The following PTPRD variants were observed in gnomAD, a reference collection of about 807,000 sequenced individuals.
The protein encoded by PTPRD is receptor-type tyrosine-protein phosphatase delta.
PTPRD carries 34 observed loss-of-function variants against 214.5 expected under a neutral mutation model. That is an observed-to-expected ratio of 0.16 (90% CI 0.12 to 0.21). The LOEUF is 0.21. Ranked by LOEUF, PTPRD falls within the 10% of genes least tolerant of loss-of-function variation. The pLI is 1.00. For missense variants in PTPRD, 2,545 were observed against 2,398.7 expected, an observed-to-expected ratio of 1.06 and a Z score of -1.27; for synonymous variants, 1,128 against 845.7, an observed-to-expected ratio of 1.33 and a Z score of -5.79.
At chr9:8,697,710 A>T (rs996994687) in intron 12 of PTPRD, among the ~76,000 whole-genome samples, 1 of 151,968 alleles carries the variant, frequency 6.6e-6, no homozygotes, top group African/African-American at 2.4e-5. Context: ...GGCATGAGCC[A>T]CCACGCCCAG....
intron 35 of PTPRD, among the ~76,000 whole-genome samples, chr9:8,436,192 G>A (rs2095341236): frequency 6.6e-6 from 1 of 151,316 alleles, no homozygotes; most frequent in Non-Finnish European, 1.5e-5. Flanking sequence ...ATTACCAATG[G>A]AGGGCTGGCA....
rs114593823 is a variant in PTPRD at position 9,070,220 on chromosome 9, G to A, written c.-142-51485C>T. 7.8e-3 allele frequency among the ~76,000 whole-genome samples: 1,191 copies of A among 152,280 alleles called. 16 individuals carry two copies. Among genetic ancestry groups the A allele is most frequent in the African/African-American group, 0.027 (1,109 of 41,558 alleles). On this transcript the variant is annotated intron_variant, in intron 10 of 45. Transcript: ENST00000381196. ...TAGACTTACACAGAGGTTGGAGAAG[G>A]AATTTATGCAATTCAAAGACGCCAA... is the stretch of plus-strand genomic sequence containing the variant.
At chr9:10,036,614 C>T (rs892103557) in intron 3 of PTPRD, among the ~76,000 whole-genome samples, 7 of 151,820 alleles carry the variant, frequency 4.6e-5, no homozygotes, top group Admixed American at 4.6e-4. Flanking sequence ...GAAACGGAGC[C>T]TGGTTCTGTC....
intron 12 of PTPRD, among the ~76,000 whole-genome samples, chr9:8,666,242 C>T (rs1261427182): frequency 6.6e-6 from 1 of 152,118 alleles, no homozygotes; most frequent in East Asian, 1.9e-4. Context: ...CATACTAGAA[C>T]AAGAACCTAC....
Position 9,967,284 on chromosome 9 carries a change from G to C in PTPRD, c.-471-28674C>G, listed in dbSNP as rs957055591. On this transcript the variant is annotated intron_variant, in intron 4 of 45. Coordinates refer to ENST00000381196, the MANE Select transcript of PTPRD (RefSeq NM_002839.4). ...ACTACACTGAATGTTAGCAATTCTT[G>C]TCATTATCATTATTAGCAATAAAGT... Among the ~76,000 whole-genome samples, 3 of 145,956 alleles carry C rather than the reference G, an allele frequency of 2.1e-5. No homozygotes were observed. The Admixed American group carries it at 2.1e-4, about 10-fold the overall frequency.
chr9:9,451,964 G>C (rs2092282761), intron 8 of PTPRD, among the ~76,000 whole-genome samples: 1 of 151,248 alleles, frequency 6.6e-6, no homozygotes, highest in Non-Finnish European at 1.5e-5. Context: ...TGAATTTCTA[G>C]AAAGAGATAG....
Position 8,790,247 on chromosome 9 carries a change from C to T in PTPRD, c.-103-56301G>A, listed in dbSNP as rs73427051. On this transcript the variant is annotated intron_variant, in intron 11 of 45. Coordinates refer to ENST00000381196, the MANE Select transcript of PTPRD (RefSeq NM_002839.4). The stretch of plus-strand genomic sequence containing the variant: ...CCCAGACTGGTCTCCAACCCCTGAC[C>T]TGAAGTGATCCTTCTACCTCTGCCT... 9.7e-4 allele frequency among the ~76,000 whole-genome samples: 148 copies of T among 152,110 alleles called. 1 individual carries two copies. The highest frequency in any genetic ancestry group is 3.3e-3 in the African/African-American group (138 of 41,514).
chr9:9,675,974 T>G (rs1423512960), intron 7 of PTPRD, among the ~76,000 whole-genome samples: 1 of 152,056 alleles, frequency 6.6e-6, no homozygotes, highest in Non-Finnish European at 1.5e-5. Context: ...AAGACTGAGT[T>G]TGATTTACCA....
intron 7 of PTPRD, among the ~76,000 whole-genome samples, chr9:9,658,247 C>A (rs988268323): frequency 6.6e-6 from 1 of 152,040 alleles, no homozygotes; most frequent in Non-Finnish European, 1.5e-5. Context: ...TCCAATTGCT[C>A]TGGAAGAACA....
rs373229289 is a variant in PTPRD, at chr9:8,575,986, AT to A, written c.353-47208del. On this transcript the variant is annotated intron_variant, in intron 14 of 45. Transcript: ENST00000381196. ...AGAGAAATAACTTAGGTCAGTTTAC[AT>A]TTACAAATGAGATAGTCCTAACAGC... 3.7e-4 allele frequency among the ~76,000 whole-genome samples: 56 copies of A among 152,310 alleles called. No homozygotes were observed. The East Asian group carries it at 0.011, about 29-fold the overall frequency.
At chr9:9,142,684 C>A (rs1381480715) in intron 10 of PTPRD, among the ~76,000 whole-genome samples, 1 of 152,196 alleles carries the variant, frequency 6.6e-6, no homozygotes, top group African/African-American at 2.4e-5. Context: ...TGAAGCTATA[C>A]AGTAGCAGAG....
chr9:9,987,558 C>T (rs1039085852), intron 4 of PTPRD, among the ~76,000 whole-genome samples: 6 of 151,966 alleles, frequency 3.9e-5, no homozygotes, highest in African/African-American at 7.3e-5. Context: ...AGACCTGCCC[C>T]GACAACATGT....
intron 3 of PTPRD, among the ~76,000 whole-genome samples, chr9:10,154,178 G>C (rs112066512): frequency 0.11 from 16,465 of 152,144 alleles, 1,142 homozygotes; most frequent in South Asian, 0.21. Context: ...ACTGGTGTGA[G>C]ATGGTATCTC....
chr9:8,426,044 G>C (rs2094644093), intron 35 of PTPRD, among the ~76,000 whole-genome samples: 1 of 152,100 alleles, frequency 6.6e-6, no homozygotes. Flanking sequence ...AGAATGAGAA[G>C]AGAATGTTAT....
At position 10,049,407 on chromosome 9, in the gene PTPRD, A is replaced by AAAAGAAAGAAAGAAAGAAAG. The variant is rs1165910757; in HGVS notation, c.-544-15637_-544-15618dup. 8.6e-5 allele frequency among the ~76,000 whole-genome samples: 10 copies of AAAAGAAAGAAAGAAAGAAAG among 115,730 alleles called. 1 individual carries two copies. Among genetic ancestry groups the AAAAGAAAGAAAGAAAGAAAG allele is most frequent in the South Asian group, 2.8e-4 (1 of 3,604 alleles). 75.9% of individuals were successfully genotyped at this position (115,730 alleles called of 152,430 possible). A position where few individuals can be genotyped will look rare whatever the true frequency, so the allele number is the denominator to read the frequency against. Reference sequence around the variant, plus strand: ...AAGCAGCTTCTCTGGTTAAAAAAAAAAAAGAAAGAAAGAAAGAAAGAAAGA... The same window carrying AAAAGAAAGAAAGAAAGAAAG: ...AAGCAGCTTCTCTGGTTAAAAAAAAAAAAGAAAGAAAGAAAGAAAGAAAGAAAGAAAGAAAGAAAGAAAGA... On this transcript the variant is annotated intron_variant, in intron 3 of 45. Coordinates refer to ENST00000381196, the MANE Select transcript of PTPRD (RefSeq NM_002839.4).
chr9:10,234,159 C>A (rs1291874104), intron 3 of PTPRD, among the ~76,000 whole-genome samples: 1 of 151,680 alleles, frequency 6.6e-6, no homozygotes, highest in African/African-American at 2.4e-5. Context: ...GAGGCTGATG[C>A]AGGAGAATTG....
chr9:9,906,508 A>G (rs1375811535), intron 5 of PTPRD, among the ~76,000 whole-genome samples: 3 of 151,940 alleles, frequency 2.0e-5, no homozygotes, highest in African/African-American at 7.2e-5. Flanking sequence ...CTGTTACATG[A>G]TGATAGTTAC....
At chr9:10,389,766 T>G (rs1335857074) in intron 2 of PTPRD, among the ~76,000 whole-genome samples, 1 of 151,870 alleles carries the variant, frequency 6.6e-6, no homozygotes, top group Non-Finnish European at 1.5e-5. Context: ...CATAAAATAC[T>G]TTACAAACAT....
chr9:9,154,816 TA>T (rs2099879831), intron 10 of PTPRD, among the ~76,000 whole-genome samples: 1 of 152,118 alleles, frequency 6.6e-6, no homozygotes, highest in South Asian at 2.1e-4. Context: ...TGTGGCCTTT[TA>T]AAAAAATCAT....
Sources: allele counts gnomAD v4.1 joint callset (sites outside exome capture counted in the v4.1 genomes callset), GRCh38; gene constraint gnomAD v4.1.1; transcripts MANE v1.5; gene names NCBI Gene and HGNC (gene_info 2026-07-23, HGNC 2026-07-21).